The following SEMA6D variants were observed in gnomAD, a reference collection of about 807,000 sequenced individuals.
The protein encoded by SEMA6D is semaphorin 6D, also known as semaphorin-6D.
Under a neutral mutation model 106.6 loss-of-function variants are expected in SEMA6D, and 35 were observed. The ratio of observed to expected loss-of-function variants is 0.33; its 90% CI spans 0.25 to 0.44. The LOEUF is 0.44. SEMA6D is among the 20% of genes least tolerant of loss of function. The pLI is 1.00. For missense variants in SEMA6D, 1,185 were observed against 1,345.9 expected, an observed-to-expected ratio of 0.88 and a Z score of 1.87; for synonymous variants, 499 against 487.7, an observed-to-expected ratio of 1.02 and a Z score of -0.31.
At chr15:47,481,887 G>A (rs984275407) in intron 3 of SEMA6D, among the ~76,000 whole-genome samples, 38 of 152,176 alleles carry the variant, frequency 2.5e-4, no homozygotes, top group African/African-American at 9.2e-4. Context: ...GAGTGGAACT[G>A]TGTCTCACCA....
At chr15:47,699,244 A>T (rs1334239915) in intron 4 of SEMA6D, among the ~76,000 whole-genome samples, 1 of 152,180 alleles carries the variant, frequency 6.6e-6, no homozygotes, top group Non-Finnish European at 1.5e-5. Context: ...CAATCATAGG[A>T]TTTAGGTCAA....
chr15:47,300,054 G>A lies in SEMA6D; in HGVS notation c.-238-112339G>A, dbSNP rs959868235. Among the ~76,000 whole-genome samples, 8 of 152,198 alleles carry A rather than the reference G, an allele frequency of 5.3e-5. No homozygotes were observed. In the South Asian group the frequency reaches 1.0e-3, roughly 20 times the overall value. On this transcript the variant is annotated intron_variant, in intron 1 of 19. Transcript: ENST00000558014. Reference sequence around the variant, plus strand: ...GTAGCTATTAGTTGGGTGTTAGGGAGCCTCAGAATATTTGGAGAGTCTGAT... The same window carrying A: ...GTAGCTATTAGTTGGGTGTTAGGGAACCTCAGAATATTTGGAGAGTCTGAT...
At chr15:47,570,309 G>T (rs1466631131) in intron 3 of SEMA6D, among the ~76,000 whole-genome samples, 2 of 152,132 alleles carry the variant, frequency 1.3e-5, no homozygotes, top group African/African-American at 4.8e-5. Context: ...GCCCTGCACT[G>T]CATGTAGGTG....
chr15:47,699,726 T>A (rs1182091463), intron 4 of SEMA6D, among the ~76,000 whole-genome samples: 1 of 152,194 alleles, frequency 6.6e-6, no homozygotes, highest in African/African-American at 2.4e-5. Flanking sequence ...TCAAGACATT[T>A]CACTTTCCCC....
intron 4 of SEMA6D, among the ~76,000 whole-genome samples, chr15:47,705,213 G>T (rs570064883): frequency 6.6e-6 from 1 of 152,232 alleles, no homozygotes; most frequent in Non-Finnish European, 1.5e-5. Flanking sequence ...CTAACTAGAG[G>T]GGCTTATTGT....
At chr15:47,492,128 A>C (rs1053297481) in intron 3 of SEMA6D, among the ~76,000 whole-genome samples, 1 of 152,192 alleles carries the variant, frequency 6.6e-6, no homozygotes, top group African/African-American at 2.4e-5. Flanking sequence ...CACAGGAGAA[A>C]TCTTGGCCAT....
At chr15:47,224,549 T>C (rs2031487728) in intron 1 of SEMA6D, among the ~76,000 whole-genome samples, 2 of 152,104 alleles carry the variant, frequency 1.3e-5, no homozygotes, top group African/African-American at 4.8e-5. Flanking sequence ...TTATCTCAGA[T>C]CTCTTTAACT....
intron 2 of SEMA6D, among the ~76,000 whole-genome samples, chr15:47,446,139 C>T (rs2042021367): frequency 6.6e-6 from 1 of 152,198 alleles, no homozygotes; most frequent in Non-Finnish European, 1.5e-5. Context: ...CCTGGAAGGG[C>T]AGGCTTGCTC....
chr15:47,589,247 GTACATGGA>G (rs1265454462), intron 3 of SEMA6D, among the ~76,000 whole-genome samples: 12 of 152,188 alleles, frequency 7.9e-5, no homozygotes. Flanking sequence ...GCAAGAAAGG[GTACATGGA>G]TGGGAAATAC....
chr15:47,730,017 G>GT, intron 1 of SEMA6D: 1 of 546,986 alleles, frequency 1.8e-6, no homozygotes, highest in Non-Finnish European at 3.2e-6. Flanking sequence ...GTTCTTTCTA[G>GT]TAGTGAGATC....
intron 1 of SEMA6D, among the ~76,000 whole-genome samples, chr15:47,748,721 A>G (rs1033419538): frequency 6.6e-6 from 1 of 152,202 alleles, no homozygotes; most frequent in Non-Finnish European, 1.5e-5. Flanking sequence ...TAGAAAGAAT[A>G]AAATTGTGAA....
Position 47,696,437 on chromosome 15 carries a change from T to C in SEMA6D, c.-54-63308T>C, listed in dbSNP as rs559928874. On this transcript the variant is annotated intron_variant, in intron 4 of 19. Transcript: ENST00000558014. ...AGACATTGTCTTCAGGGACTGCAAG[T>C]CTCAGCAGTTATTTTTAGAAATAGG... Among the ~76,000 whole-genome samples the C allele has an allele frequency of 1.4e-3, 207 of 152,302 alleles. 1 individual carries two copies. The highest frequency in any genetic ancestry group is 4.9e-3 in the African/African-American group (202 of 41,558).
At chr15:47,279,016 G>C (rs928158624) in intron 1 of SEMA6D, among the ~76,000 whole-genome samples, 2 of 133,950 alleles carry the variant, frequency 1.5e-5, no homozygotes, top group African/African-American at 5.8e-5. Flanking sequence ...GGTTACTGTA[G>C]CCTTGTAGTA....
chr15:47,413,059 C>T (rs12906233), intron 2 of SEMA6D, among the ~76,000 whole-genome samples: 124 of 152,218 alleles, frequency 8.1e-4, no homozygotes, highest in Non-Finnish European at 1.4e-3. Context: ...TGTTGACAGA[C>T]GGATGGCAAA....
chr15:47,330,799 A>C (rs536380046), intron 1 of SEMA6D, among the ~76,000 whole-genome samples: 3 of 152,328 alleles, frequency 2.0e-5, no homozygotes, highest in South Asian at 2.1e-4. Flanking sequence ...AATGACTTTC[A>C]AGTGGGCTTT....
At chr15:47,405,914 G>C (rs2040549690) in intron 1 of SEMA6D, among the ~76,000 whole-genome samples, 1 of 152,132 alleles carries the variant, frequency 6.6e-6, no homozygotes, top group Non-Finnish European at 1.5e-5. Flanking sequence ...AGTGTGAAAA[G>C]GACATTATGC....
intron 1 of SEMA6D, among the ~76,000 whole-genome samples, chr15:47,266,940 T>G (rs116499263): frequency 2.0e-5 from 3 of 152,302 alleles, no homozygotes; most frequent in African/African-American, 7.2e-5. Flanking sequence ...TTCTAGAGAC[T>G]TTAAATGTTT....
At chr15:47,463,041 A>T (rs913511647) in intron 2 of SEMA6D, among the ~76,000 whole-genome samples, 4 of 152,032 alleles carry the variant, frequency 2.6e-5, no homozygotes, top group African/African-American at 4.8e-5. Context: ...AGGACTTTTT[A>T]AAAAAAATGA....
intron 4 of SEMA6D, among the ~76,000 whole-genome samples, chr15:47,711,771 AAGAAAAGATTGTTTTCATTTTT>A (rs369699970): frequency 3.8e-3 from 576 of 152,368 alleles, no homozygotes; most frequent in African/African-American, 0.013. Flanking sequence ...GCAAACAGGA[AAGAAAAGATTGTTTTCATTTTT>A]AGTGCCTCTT....
Sources: gnomAD v4.1 joint callset for allele counts (sites outside exome capture counted in the v4.1 genomes callset) on GRCh38, gnomAD v4.1.1 for gene constraint, MANE v1.5 for transcripts, NCBI Gene and HGNC (gene_info 2026-07-23, HGNC 2026-07-21) for gene names.